Variants in ESR1 observed in about 807,000 individuals in gnomAD.
The protein encoded by ESR1 is estrogen receptor.
Under a neutral mutation model 52.7 loss-of-function variants are expected in ESR1, and 12 were observed. The ratio of observed to expected loss-of-function variants is 0.23; its 90% CI spans 0.15 to 0.37. The LOEUF (loss-of-function observed/expected upper bound fraction) is 0.37. ESR1 is among the 10% of genes least tolerant of loss of function. ESR1 has a pLI of 1.00. For missense variants in ESR1, 584 were observed against 779.7 expected (o/e 0.75, Z 2.99); for synonymous variants, 305 against 316.8 (o/e 0.96, Z 0.39).
chr6:152,027,785 T>G (rs2044279902), intron 5 of ESR1, among the ~76,000 whole-genome samples: 1 of 152,238 alleles, frequency 6.6e-6, no homozygotes, highest in Non-Finnish European at 1.5e-5. Flanking sequence ...CCTAGGTACA[T>G]AGAATGTCTT....
intron 4 of ESR1, among the ~76,000 whole-genome samples, chr6:151,951,659 A>G (rs2036339706): frequency 6.6e-6 from 1 of 152,202 alleles, no homozygotes; most frequent in Non-Finnish European, 1.5e-5. Context: ...ATTGTTCCCC[A>G]AGAGTGAAGG....
rs567822008 is a variant in ESR1 at position 152,073,874 on chromosome 6, A to T, written c.1369+12750A>T. On this transcript the variant is annotated intron_variant, in intron 6 of 7. Coordinates refer to ENST00000206249, the MANE Select transcript of ESR1 (RefSeq NM_000125.4). ...TCACTTCCTTTCGCCTCAGTTTCCC[A>T]ACAATTTCCTAGTAATTGTACTGAA... 5.9e-5 allele frequency among the ~76,000 whole-genome samples: 9 copies of T among 152,250 alleles called. No individual in the cohort carries two copies. In the South Asian group the frequency reaches 8.3e-4, roughly 14 times the overall value.
chr6:151,894,252 T>C (rs1795125959), intron 3 of ESR1, among the ~76,000 whole-genome samples: 1 of 152,204 alleles, frequency 6.6e-6, no homozygotes, highest in Non-Finnish European at 1.5e-5. Flanking sequence ...TTGTTTGTTT[T>C]TTTTCTTGCT....
At position 151,913,086 on chromosome 6, in the gene ESR1, T is replaced by C. The variant is rs757452704; in HGVS notation, c.761-31087T>C. On this transcript the variant is annotated intron_variant, in intron 3 of 7. Transcript: ENST00000206249. ...ATATATCCCAGAACTAAAAGTAAAA[T>C]AAATGAAAAAGAAATAAAAAATAAT... Among the ~76,000 whole-genome samples the C allele has an allele frequency of 1.0e-3, 151 of 151,430 alleles. No individual in the cohort carries two copies. In the Middle Eastern group the frequency reaches 0.014, roughly 14 times the overall value.
At chr6:151,680,840 T>A (rs1778432198) in intron 1 of ESR1, among the ~76,000 whole-genome samples, 1 of 152,124 alleles carries the variant, frequency 6.6e-6, no homozygotes, top group Admixed American at 6.5e-5. Flanking sequence ...AGGAGATAAT[T>A]ATTGGATGAA....
At chr6:151,715,208 T>C (rs2128005741) in intron 2 of ESR1, among the ~76,000 whole-genome samples, 1 of 152,364 alleles carries the variant, frequency 6.6e-6, no homozygotes, top group Non-Finnish European at 1.5e-5. Context: ...AGTGATCCAC[T>C]GTTAGTCTGA....
At chr6:151,680,306 T>C (rs1237680604) in intron 1 of ESR1, among the ~76,000 whole-genome samples, 4 of 151,116 alleles carry the variant, frequency 2.6e-5, no homozygotes, top group Admixed American at 2.0e-4. Flanking sequence ...CAGGTTCAAG[T>C]GAGTCTCCTG....
At chr6:151,686,414 A>G (rs7739384), upstream of ESR1, among the ~76,000 whole-genome samples, 4,826 of 152,214 alleles carry the variant, frequency 0.032, 164 homozygotes, top group African/African-American at 0.091. Flanking sequence ...GGCTGGACGC[A>G]GTGGCTCACG....
At chr6:152,114,769 T>C (rs2051188302) in intron 6 of ESR1, among the ~76,000 whole-genome samples, 1 of 150,050 alleles carries the variant, frequency 6.7e-6, no homozygotes, top group South Asian at 2.1e-4. Flanking sequence ...CGGGCGCCTG[T>C]AGTCCCAGCT....
intron 6 of ESR1, among the ~76,000 whole-genome samples, chr6:152,090,393 A>T (rs2050084079): frequency 6.6e-6 from 1 of 152,246 alleles, no homozygotes; most frequent in African/African-American, 2.4e-5. Flanking sequence ...CTGCTGTCAC[A>T]TCCTTCCTTT....
intron 5 of ESR1, among the ~76,000 whole-genome samples, chr6:152,055,119 C>G (rs1263743899): frequency 6.6e-6 from 1 of 152,014 alleles, no homozygotes; most frequent in Non-Finnish European, 1.5e-5. Context: ...CATATCTTGG[C>G]TATTGTGAAT....
intron 6 of ESR1, among the ~76,000 whole-genome samples, chr6:152,115,415 T>C (rs375449310): frequency 6.6e-6 from 1 of 152,204 alleles, no homozygotes; most frequent in East Asian, 1.9e-4. Context: ...ATCTATTCAT[T>C]TGGAGAATGA....
At chr6:151,758,511 A>G (rs1350543428) in intron 2 of ESR1, among the ~76,000 whole-genome samples, 3 of 152,192 alleles carry the variant, frequency 2.0e-5, no homozygotes, top group Non-Finnish European at 4.4e-5. Flanking sequence ...CTGTAATCCC[A>G]GCACTTTGGG....
At chr6:151,759,528 A>G (rs948582566) in intron 2 of ESR1, among the ~76,000 whole-genome samples, 1 of 151,434 alleles carries the variant, frequency 6.6e-6, no homozygotes, top group African/African-American at 2.4e-5. Flanking sequence ...TAATAATAAT[A>G]AAAAAAGAAT....
intron 1 of ESR1, among the ~76,000 whole-genome samples, chr6:151,693,364 C>T (rs990296588): frequency 1.3e-5 from 2 of 152,152 alleles, no homozygotes; most frequent in African/African-American, 4.8e-5. Flanking sequence ...ATCAACTGAG[C>T]GTACCATCTG....
intron 6 of ESR1, among the ~76,000 whole-genome samples, chr6:152,113,292 C>T (rs984368966): frequency 1.3e-5 from 2 of 152,180 alleles, no homozygotes; most frequent in Admixed American, 1.3e-4. Context: ...ACTGTAATTC[C>T]CTGACCTTTG....
intron 5 of ESR1, among the ~76,000 whole-genome samples, chr6:152,048,195 C>A (rs1006988520): frequency 6.6e-6 from 1 of 151,440 alleles, no homozygotes; most frequent in African/African-American, 2.4e-5. Context: ...ATGGTGAAAC[C>A]CCGTCTCTAT....
chr6:151,836,656 G>A (rs1434885201), intron 1 of ESR1, among the ~76,000 whole-genome samples: 1 of 152,120 alleles, frequency 6.6e-6, no homozygotes, highest in Non-Finnish European at 1.5e-5. Context: ...GTTTACTAGG[G>A]GAACATACAC....
At chr6:152,052,060 C>G (rs2046725547) in intron 5 of ESR1, among the ~76,000 whole-genome samples, 1 of 152,144 alleles carries the variant, frequency 6.6e-6, no homozygotes, top group African/African-American at 2.4e-5. Flanking sequence ...AAGCATGGCG[C>G]CAGCATCTAC....
Sources: gnomAD v4.1 joint callset for allele counts (sites outside exome capture counted in the v4.1 genomes callset) on GRCh38, gnomAD v4.1.1 for gene constraint, MANE v1.5 for transcripts, NCBI Gene and HGNC (gene_info 2026-07-23, HGNC 2026-07-21) for gene names.